Variants in MNAT1 observed in about 807,000 individuals in gnomAD.
MNAT1 encodes the protein CDK-activating kinase assembly factor MAT1.
MNAT1 carries 43 observed loss-of-function variants against 42.0 expected under a neutral mutation model. The ratio of observed to expected loss-of-function variants is 1.02; its 90% CI spans 0.80 to 1.32. MNAT1 has a LOEUF of 1.32. Ranked by LOEUF, MNAT1 falls within the 40% of genes most tolerant of loss-of-function variation. The pLI is 0.00. For synonymous variants in MNAT1, 118 were observed against 120.0 expected (o/e 0.98, Z 0.11); for missense variants, 306 against 350.4 (o/e 0.87, Z 1.01).
At chr14:60,797,416 T>G (rs942454769) in intron 2 of MNAT1, among the ~76,000 whole-genome samples, 5 of 152,190 alleles carry the variant, frequency 3.3e-5, no homozygotes, top group Non-Finnish European at 7.4e-5. Context: ...TTTTGGAAAT[T>G]AGTGAATCCC....
In MNAT1 at chr14:60,881,052, C is replaced by T. The variant is rs564438104; in HGVS notation, c.809+1217C>T. ...CTTCAAAATCTTTACTTTTAATGTC[C>T]GTGAAGTTCACGTGTTTAAAATAGT... On this transcript the variant is annotated intron_variant, in intron 7 of 7. Transcript: ENST00000261245. 5.3e-5 allele frequency among the ~76,000 whole-genome samples: 8 copies of T among 152,206 alleles called. No individual in the cohort carries two copies. In the East Asian group the frequency reaches 9.7e-4, roughly 18 times the overall value.
At chr14:60,790,573 A>G (rs1483040085) in intron 1 of MNAT1, among the ~76,000 whole-genome samples, 2 of 152,184 alleles carry the variant, frequency 1.3e-5, no homozygotes, top group Non-Finnish European at 2.9e-5. Flanking sequence ...TTAATATAAA[A>G]TGTATGTCAT....
At chr14:60,941,841 A>G (rs1339401426) in intron 7 of MNAT1, among the ~76,000 whole-genome samples, 2 of 151,582 alleles carry the variant, frequency 1.3e-5, no homozygotes, top group South Asian at 2.1e-4. Flanking sequence ...CGTCTCTACT[A>G]AAAATACAAA....
At chr14:60,777,669 G>T (rs896530088) in intron 1 of MNAT1, among the ~76,000 whole-genome samples, 16 of 151,946 alleles carry the variant, frequency 1.1e-4, no homozygotes, top group Non-Finnish European at 1.5e-5. Context: ...ATTGGGAAAA[G>T]ATTATAATAA....
chr14:60,900,112 G>T (rs7160499), intron 7 of MNAT1, among the ~76,000 whole-genome samples: 1 of 144,844 alleles, frequency 6.9e-6, no homozygotes, highest in East Asian at 2.0e-4. Context: ...TCCCTGAGAT[G>T]CAGCAATATT....
intron 1 of MNAT1, among the ~76,000 whole-genome samples, chr14:60,788,928 T>C (rs1234926802): frequency 6.6e-6 from 1 of 152,192 alleles, no homozygotes. Flanking sequence ...CTTAACATTG[T>C]GTGTCATTGG....
intron 7 of MNAT1, among the ~76,000 whole-genome samples, chr14:60,940,103 C>G (rs1236944452): frequency 6.6e-6 from 1 of 152,104 alleles, no homozygotes; most frequent in Non-Finnish European, 1.5e-5. Flanking sequence ...TCCTCCATCC[C>G]TTTATTTTGA....
chr14:60,913,553 C>A (rs1273031071), intron 7 of MNAT1, among the ~76,000 whole-genome samples: 1 of 152,150 alleles, frequency 6.6e-6, no homozygotes. Context: ...ACAGTCAGGA[C>A]CCTCAGCTGC....
At chr14:60,737,877 C>T (rs1452268130) in intron 1 of MNAT1, among the ~76,000 whole-genome samples, 3 of 146,442 alleles carry the variant, frequency 2.0e-5, no homozygotes, top group Non-Finnish European at 4.5e-5. Flanking sequence ...GAGAAGGAGT[C>T]TCGCTCTGTC....
intron 1 of MNAT1, among the ~76,000 whole-genome samples, chr14:60,744,377 G>A (rs1041217826): frequency 1.5e-4 from 22 of 151,658 alleles, no homozygotes; most frequent in African/African-American, 5.3e-4. Flanking sequence ...AGTGATCTGC[G>A]TGCCTCGGCC....
At chr14:60,941,204 C>T (rs1248159773) in intron 7 of MNAT1, among the ~76,000 whole-genome samples, 1 of 152,032 alleles carries the variant, frequency 6.6e-6, no homozygotes, top group Non-Finnish European at 1.5e-5. Flanking sequence ...TGTTTTGTTC[C>T]TCATCTGGAA....
chr14:60,943,053 C>CTTTTTTTT (rs377454616), intron 7 of MNAT1, among the ~76,000 whole-genome samples: 1 of 53,118 alleles, frequency 1.9e-5, no homozygotes, highest in Non-Finnish European at 3.3e-5. Flanking sequence ...TGTGTGTGCG[C>CTTTTTTTT]TTTTTTTTTT....
chr14:60,837,508 C>T (rs187730764), intron 6 of MNAT1, among the ~76,000 whole-genome samples: 18 of 152,298 alleles, frequency 1.2e-4, no homozygotes, highest in African/African-American at 2.2e-4. Context: ...CTGGGTGAGG[C>T]GATGCCCCAT....
intron 3 of MNAT1, among the ~76,000 whole-genome samples, chr14:60,803,647 A>G (rs1215338537): frequency 6.6e-6 from 1 of 152,178 alleles, no homozygotes; most frequent in Non-Finnish European, 1.5e-5. Context: ...AAGACATTTG[A>G]ACTCGATCTT....
At chr14:60,866,137 T>C (rs2034197696) in intron 6 of MNAT1, among the ~76,000 whole-genome samples, 1 of 152,018 alleles carries the variant, frequency 6.6e-6, no homozygotes, top group East Asian at 1.9e-4. Flanking sequence ...AAAGAAAAAT[T>C]TTGAAACAGC....
chr14:60,847,827 T>TACA (rs2033718346), intron 6 of MNAT1, among the ~76,000 whole-genome samples: 1 of 152,222 alleles, frequency 6.6e-6, no homozygotes, highest in Non-Finnish European at 1.5e-5. Flanking sequence ...TGTAGAATAT[T>TACA]TAATTCTGTA....
chr14:60,848,756 T>G (rs79108991), intron 6 of MNAT1, among the ~76,000 whole-genome samples: 12,613 of 152,236 alleles, frequency 0.083, 797 homozygotes, highest in East Asian at 0.34. Context: ...TTATAATAAT[T>G]AAAGTATTGA....
In MNAT1 at chr14:60,887,781, A is replaced by C. The variant is rs557663202; in HGVS notation, c.809+7946A>C. ...TAAAGGGGATATCACCACCAATCCCACAGAAATACAAACTACCATCAGAGA... is the reference window on the plus strand; with the variant it reads ...TAAAGGGGATATCACCACCAATCCCCCAGAAATACAAACTACCATCAGAGA... On this transcript the variant is annotated intron_variant, in intron 7 of 7. Transcript: ENST00000261245. Among the ~76,000 whole-genome samples the C allele has an allele frequency of 4.6e-5, 7 of 152,276 alleles. No individual in the cohort carries two copies. In the East Asian group the frequency reaches 1.4e-3, roughly 29 times the overall value.
chr14:60,746,897 CATAT>C (rs1173508656), intron 1 of MNAT1, among the ~76,000 whole-genome samples: 1 of 21,954 alleles, frequency 4.6e-5, no homozygotes, highest in Non-Finnish European at 7.0e-5. Context: ...AGATTCATTT[CATAT>C]ATATATATAT....
Sources: allele counts gnomAD v4.1 joint callset (sites outside exome capture counted in the v4.1 genomes callset), GRCh38; gene constraint gnomAD v4.1.1; transcripts MANE v1.5; gene names NCBI Gene and HGNC (gene_info 2026-07-23, HGNC 2026-07-21).